DOCK2: variants seen among roughly 807,000 people sequenced by gnomAD.
The protein encoded by DOCK2 is dedicator of cytokinesis 2.
In DOCK2, 87 loss-of-function variants were observed where a neutral mutation model predicts 248.9. The ratio of observed to expected loss-of-function variants is 0.35; its 90% CI spans 0.29 to 0.42. The LOEUF (loss-of-function observed/expected upper bound fraction) is 0.42, where lower values mean the gene tolerates loss of function less well. Ranked by LOEUF, DOCK2 falls within the 10% of genes least tolerant of loss-of-function variation. DOCK2 has a pLI of 1.00. For synonymous variants in DOCK2, 805 were observed against 821.6 expected (o/e 0.98, Z 0.35); for missense variants, 1,747 against 2,300.2 (o/e 0.76, Z 4.92).
chr5:169,982,002 T>A (rs1263082865), intron 27 of DOCK2, among the ~76,000 whole-genome samples: 1 of 152,138 alleles, frequency 6.6e-6, no homozygotes, highest in East Asian at 1.9e-4. Flanking sequence ...TATTTCATAT[T>A]TGTTATTTTA....
chr5:169,676,581 G>T (rs1052947985), intron 6 of DOCK2, among the ~76,000 whole-genome samples: 1 of 152,112 alleles, frequency 6.6e-6, no homozygotes, highest in Non-Finnish European at 1.5e-5. Context: ...CTTATCACTG[G>T]CCTGATAGTT....
intron 26 of DOCK2, among the ~76,000 whole-genome samples, chr5:169,826,483 C>T (rs1768868120): frequency 6.6e-6 from 1 of 152,010 alleles, no homozygotes; most frequent in African/African-American, 2.4e-5. Flanking sequence ...CCTCTCCAGA[C>T]CCCAAGGACT....
intron 27 of DOCK2, among the ~76,000 whole-genome samples, chr5:169,847,827 G>A (rs1770402583): frequency 6.6e-6 from 1 of 152,206 alleles, no homozygotes; most frequent in Non-Finnish European, 1.5e-5. Flanking sequence ...GTCATGGCAT[G>A]AGATTGGAGA....
chr5:169,670,498 A>G (rs949356968), intron 3 of DOCK2, 44 bp from the exon 4 acceptor site: 57 of 1,582,160 alleles, frequency 3.6e-5, no homozygotes, highest in Admixed American at 1.1e-4. Context: ...GTGGTGATAT[A>G]TCTTTTTATT....
At chr5:170,016,085 C>T (rs1421548937) in intron 32 of DOCK2, among the ~76,000 whole-genome samples, 2 of 152,136 alleles carry the variant, frequency 1.3e-5, no homozygotes, top group African/African-American at 4.8e-5. Context: ...GACCCCTTTC[C>T]ACCCACACCC....
In DOCK2 at chr5:169,991,189, C is replaced by T. The variant is rs983051965; in HGVS notation, c.2994-4897C>T. Among the ~76,000 whole-genome samples the T allele has an allele frequency of 6.6e-5, 10 of 152,360 alleles. 1 individual carries two copies. Among genetic ancestry groups the T allele is most frequent in the Admixed American group, 6.5e-4 (10 of 15,310 alleles). ...CTGTGTGCACCTTCCATTCCTGGGC[C>T]TGGGCCAGGGAGTAGTACATGTAGT... On this transcript the variant is annotated intron_variant, in intron 29 of 51. Coordinates refer to ENST00000520908, the MANE Select transcript of DOCK2 (RefSeq NM_004946.3).
chr5:169,724,698 T>C (rs1244551848), intron 22 of DOCK2, among the ~76,000 whole-genome samples: 1 of 151,852 alleles, frequency 6.6e-6, no homozygotes, highest in Non-Finnish European at 1.5e-5. Context: ...TCTAATTGCC[T>C]TCAGCATCAA....
chr5:169,714,237 C>T (rs1187129984), intron 18 of DOCK2, 26 bp downstream of exon 18: 1 of 1,600,580 alleles, frequency 6.2e-7, no homozygotes, highest in African/African-American at 1.3e-5. Context: ...AGAGTTGTGT[C>T]TGTGGGGAGT....
intron 21 of DOCK2, among the ~76,000 whole-genome samples, chr5:169,718,121 A>G (rs1762005085): frequency 6.6e-6 from 1 of 152,146 alleles, no homozygotes; most frequent in African/African-American, 2.4e-5. Context: ...GAAAGTGCAC[A>G]TGCCAAGTAG....
chr5:169,998,544 C>A (rs1009165110), intron 30 of DOCK2, among the ~76,000 whole-genome samples: 9 of 152,332 alleles, frequency 5.9e-5, no homozygotes, highest in African/African-American at 2.2e-4. Flanking sequence ...AGGGCATTAT[C>A]TTTTGCAGTC....
chr5:169,645,905 A>C (rs932532283), intron 1 of DOCK2, among the ~76,000 whole-genome samples: 2 of 151,598 alleles, frequency 1.3e-5, no homozygotes, highest in Non-Finnish European at 2.9e-5. Context: ...GCCCACCACC[A>C]CGCCCGGCTA....
At chr5:169,897,463 A>G (rs1004901523) in intron 27 of DOCK2, among the ~76,000 whole-genome samples, 1 of 152,190 alleles carries the variant, frequency 6.6e-6, no homozygotes, top group African/African-American at 2.4e-5. Context: ...TGCTAGGATT[A>G]CAAGTGTGAG....
chr5:169,865,199 G>T (rs1771467220), intron 27 of DOCK2, among the ~76,000 whole-genome samples: 1 of 152,122 alleles, frequency 6.6e-6, no homozygotes, highest in Non-Finnish European at 1.5e-5. Flanking sequence ...GTTGTTGTTG[G>T]CTATTTTACT....
chr5:169,995,775 G>A (rs1039395967), intron 29 of DOCK2, among the ~76,000 whole-genome samples: 1 of 151,626 alleles, frequency 6.6e-6, no homozygotes, highest in African/African-American at 2.4e-5. Context: ...TTTGGGGATG[G>A]GGGGGGTGAT....
chr5:169,957,826 C>G (rs1215371440), intron 27 of DOCK2, among the ~76,000 whole-genome samples: 4 of 152,214 alleles, frequency 2.6e-5, no homozygotes, highest in African/African-American at 9.7e-5. Flanking sequence ...GTCTCCCTGA[C>G]TCTCCCCTGC....
intron 33 of DOCK2, among the ~76,000 whole-genome samples, chr5:170,023,729 A>G (rs1755809857): frequency 6.6e-6 from 1 of 152,176 alleles, no homozygotes; most frequent in Admixed American, 6.5e-5. Context: ...GATAACTGGC[A>G]TTTCATAACA....
At chr5:169,979,242 C>T (rs1159663795) in intron 27 of DOCK2, among the ~76,000 whole-genome samples, 3 of 152,168 alleles carry the variant, frequency 2.0e-5, no homozygotes, top group Admixed American at 6.5e-5. Context: ...GTTTGAACAA[C>T]GTCAGTGTTA....
chr5:169,699,096 A>G (rs1445786503), intron 11 of DOCK2, among the ~76,000 whole-genome samples: 2 of 79,420 alleles, frequency 2.5e-5, no homozygotes, highest in Non-Finnish European at 4.5e-5. Context: ...AACTCTTGCT[A>G]AGCAGATATG....
At chr5:169,638,795 G>A (rs1756992386) in intron 1 of DOCK2, among the ~76,000 whole-genome samples, 1 of 152,184 alleles carries the variant, frequency 6.6e-6, no homozygotes, top group African/African-American at 2.4e-5. Flanking sequence ...GTGAGGCAGT[G>A]TATTATTCCC....
Sources: gnomAD v4.1 joint callset for allele counts (sites outside exome capture counted in the v4.1 genomes callset) on GRCh38, gnomAD v4.1.1 for gene constraint, MANE v1.5 for transcripts, NCBI Gene and HGNC (gene_info 2026-07-23, HGNC 2026-07-21) for gene names.